Variants in MYBPHL observed in about 807,000 individuals in gnomAD.
The protein encoded by MYBPHL is myosin binding protein H like.
MYBPHL carries 32 observed loss-of-function variants against 39.5 expected under a neutral mutation model. The ratio of observed to expected loss-of-function variants is 0.81; its 90% CI spans 0.61 to 1.09. MYBPHL has a LOEUF of 1.09. MYBPHL is among the 50% of genes least tolerant of loss of function. The pLI is 0.00. For synonymous variants in MYBPHL, 196 were observed against 183.7 expected, an observed-to-expected ratio of 1.07 and a Z score of -0.54; for missense variants, 456 against 460.2, an observed-to-expected ratio of 0.99 and a Z score of 0.08.
rs201690316 is a variant in MYBPHL at position 109,297,446 on chromosome 1, C to T, written c.406G>A (p.Ala136Thr). ...RVQLGGLEAT[A>T]TIDILVIERP... is the part of the protein sequence containing the mutation. Reference sequence around the variant, plus strand: ...CCAATCACCAGGATGTCAATGGTGGCGGTGGCCTCCAGCCCACCCAGCTGC... The same window carrying T: ...CCAATCACCAGGATGTCAATGGTGGTGGTGGCCTCCAGCCCACCCAGCTGC... The change falls in exon 3 of 9, where the codon GCC (alanine) becomes ACC (threonine). Residue 136 changes from alanine (A) to threonine (T), a missense_variant. By Grantham distance (58) the Ala-to-Thr change is moderately conservative. Transcript: ENST00000357155. 6.0e-5 allele frequency: 96 copies of T among 1,612,494 alleles called. No homozygotes were observed. Among genetic ancestry groups the T allele is most frequent in the Middle Eastern group, 2.0e-4 (1 of 5,126 alleles).
At chr1:109,306,072 T>G (rs922293061) in intron 1 of MYBPHL, among the ~76,000 whole-genome samples, 1 of 152,218 alleles carries the variant, frequency 6.6e-6, no homozygotes, top group African/African-American at 2.4e-5. Context: ...TTCCCCTGCC[T>G]CTTCCTGCCC....
intron 8 of MYBPHL, among the ~76,000 whole-genome samples, chr1:109,293,367 T>C (rs1657931434): frequency 6.6e-6 from 1 of 152,084 alleles, no homozygotes; most frequent in Admixed American, 6.6e-5. Context: ...ACTTGAGGAG[T>C]GCAGACATAG....
intron 1 of MYBPHL, among the ~76,000 whole-genome samples, chr1:109,302,327 C>G (rs1658322530): frequency 2.0e-5 from 3 of 152,082 alleles, no homozygotes; most frequent in Admixed American, 2.0e-4. Context: ...TACCAGATGC[C>G]TAGGATGTGG....
chr1:109,298,298 G>T (rs1282260111), intron 1 of MYBPHL, 41 bp from the exon 2 acceptor site: 11 of 1,563,450 alleles, frequency 7.0e-6, no homozygotes, highest in Non-Finnish European at 9.6e-6. Context: ...TGGATACTCA[G>T]AGAAAGTAAA....
chr1:109,304,768 C>T (rs1364611047), intron 1 of MYBPHL, among the ~76,000 whole-genome samples: 1 of 152,206 alleles, frequency 6.6e-6, no homozygotes, highest in Non-Finnish European at 1.5e-5. Flanking sequence ...GTGCTGAGGA[C>T]AGACATAGAA....
chr1:109,297,152 G>A lies in MYBPHL; in HGVS notation c.468C>T (p.Asp156=), dbSNP rs373917531. 1.3e-5 allele frequency: 21 copies of A among 1,614,048 alleles called. No homozygotes were observed. Among genetic ancestry groups the A allele is most frequent in the African/African-American group, 6.7e-5 (5 of 74,906 alleles). ...CCAGTGTAGCGCTGAAGCCCCAAACGTCCACCAGCTTAATACTCTGAGGAG... is the reference window on the plus strand; with the variant it reads ...CCAGTGTAGCGCTGAAGCCCCAAACATCCACCAGCTTAATACTCTGAGGAG... ...PGPPQSIKLV[D]VWGFSATLEW... Residue 156 remains aspartate, a synonymous_variant, in exon 4 of 9, where the codon GAC becomes GAT. Coordinates refer to ENST00000357155, the MANE Select transcript of MYBPHL (RefSeq NM_001010985.3).
At chr1:109,295,321 C>G in intron 6 of MYBPHL, 24 bp from the exon 7 acceptor site, 1 of 1,608,326 alleles carries the variant, frequency 6.2e-7, no homozygotes, top group Admixed American at 1.7e-5. Flanking sequence ...ATGAGGGAGG[C>G]AGCAAGGAGG....
chr1:109,300,760 C>T (rs575759285), intron 1 of MYBPHL, among the ~76,000 whole-genome samples: 53 of 148,186 alleles, frequency 3.6e-4, no homozygotes, highest in African/African-American at 1.3e-3. Flanking sequence ...AGGCTGCCCG[C>T]GAGAGCAAGG....
intron 3 of MYBPHL, 33 bp from the exon 4 acceptor site, chr1:109,297,222 A>G: frequency 1.2e-6 from 2 of 1,614,086 alleles, no homozygotes; most frequent in Non-Finnish European, 1.7e-6. Flanking sequence ...GTGGGCGTGG[A>G]ACATCCCACA....
intron 1 of MYBPHL, 134 bp from the exon 2 acceptor site, chr1:109,298,391 G>A (rs944474890): frequency 1.0e-5 from 7 of 703,470 alleles, no homozygotes; most frequent in African/African-American, 7.4e-5. Flanking sequence ...GAGGGGAAGA[G>A]TGCTCCCATC....
intron 1 of MYBPHL, among the ~76,000 whole-genome samples, chr1:109,298,815 C>A (rs1658181156): frequency 6.6e-6 from 1 of 152,104 alleles, no homozygotes; most frequent in African/African-American, 2.4e-5. Flanking sequence ...TGTCTGGGTC[C>A]CTTCCTCTGC....
intron 1 of MYBPHL, among the ~76,000 whole-genome samples, chr1:109,301,631 C>T (rs1217584329): frequency 4.6e-5 from 7 of 151,856 alleles, no homozygotes; most frequent in Non-Finnish European, 1.5e-5. Flanking sequence ...ATCCCAGCTA[C>T]TTGGGAGGCT....
intron 1 of MYBPHL, among the ~76,000 whole-genome samples, chr1:109,304,027 T>A (rs1658378402): frequency 6.6e-6 from 1 of 152,216 alleles, no homozygotes; most frequent in African/African-American, 2.4e-5. Flanking sequence ...CCTCACTGAA[T>A]ATTCCATTTG....
chr1:109,296,389 G>T lies in MYBPHL; in HGVS notation c.731-19C>A. ...ACAGTAGCTGAGGGCACCAAGAGGG[G>T]CTGGCATGTAGCTTCTGAGATCCCA... On this transcript the variant is annotated intron_variant, in intron 5 of 8. Coordinates refer to ENST00000357155, the MANE Select transcript of MYBPHL (RefSeq NM_001010985.3). The T allele has an allele frequency of 6.2e-7, 1 of 1,613,866 alleles. No individual in the cohort carries two copies. The highest frequency in any genetic ancestry group is 8.5e-7 in the Non-Finnish European group (1 of 1,179,950).
chr1:109,295,038 TC>T, intron 7 of MYBPHL, 72 bp downstream of exon 7: 2 of 1,524,674 alleles, frequency 1.3e-6, no homozygotes, highest in Non-Finnish European at 1.8e-6. Context: ...GCGTCTCTGT[TC>T]CCTGACTCTT....
chr1:109,305,755 C>A (rs1228966116), intron 1 of MYBPHL, among the ~76,000 whole-genome samples: 1 of 152,222 alleles, frequency 6.6e-6, no homozygotes, highest in Non-Finnish European at 1.5e-5. Context: ...GGAAACCTGG[C>A]CTCTCCCATG....
intron 1 of MYBPHL, among the ~76,000 whole-genome samples, chr1:109,298,609 T>C (rs1570852040): frequency 6.6e-6 from 1 of 152,154 alleles, no homozygotes; most frequent in Non-Finnish European, 1.5e-5. Context: ...CTGGTCTGTG[T>C]GGTTTGTCTT....
intron 1 of MYBPHL, among the ~76,000 whole-genome samples, chr1:109,304,438 G>A (rs560989191): frequency 6.6e-6 from 1 of 152,264 alleles, no homozygotes; most frequent in East Asian, 1.9e-4. Flanking sequence ...GTCAGCAGAT[G>A]GGCTCTTTCT....
chr1:109,302,803 CA>C (rs1313981927), intron 1 of MYBPHL, among the ~76,000 whole-genome samples: 4 of 151,792 alleles, frequency 2.6e-5, no homozygotes, highest in Non-Finnish European at 5.9e-5. Flanking sequence ...GCTAACTGGC[CA>C]AAAAAAATGT....
Sources: gnomAD v4.1 joint callset for allele counts (sites outside exome capture counted in the v4.1 genomes callset) on GRCh38, gnomAD v4.1.1 for gene constraint, MANE v1.5 for transcripts, NCBI Gene and HGNC (gene_info 2026-07-23, HGNC 2026-07-21) for gene names.